Variants in RGS18 observed in about 807,000 individuals in gnomAD.
The protein encoded by RGS18 is regulator of G-protein signaling 18.
Under a neutral mutation model 27.6 loss-of-function variants are expected in RGS18, and 22 were observed. The observed-to-expected ratio is 0.80, with a 90% CI of 0.57 to 1.14. The LOEUF (loss-of-function observed/expected upper bound fraction) is 1.14, where lower values mean the gene tolerates loss of function less well. RGS18 is among the 50% of genes most tolerant of loss of function. The probability of loss-of-function intolerance (pLI) is 0.00; values close to 1 mark genes in which losing one functional copy is unlikely to be tolerated. For synonymous variants in RGS18, 89 were observed against 84.6 expected, an observed-to-expected ratio of 1.05 and a Z score of -0.29; for missense variants, 299 against 269.6, an observed-to-expected ratio of 1.11 and a Z score of -0.76.
chr1:192,177,594 G>A (rs978662134), intron 3 of RGS18, among the ~76,000 whole-genome samples: 17 of 151,862 alleles, frequency 1.1e-4, no homozygotes, highest in Middle Eastern at 3.4e-3. Context: ...ACCCGGCACA[G>A]TAGAAGGCCA....
At position 192,158,578 on chromosome 1, in the gene RGS18, T is replaced by C; in HGVS notation, c.-60T>C. ...TACTATGTATATGTATGGAATAGTA[T>C]TAATAAATGAACTAGGGAAGGATGT... On this transcript the variant is annotated 5_prime_UTR_variant, in exon 1 of 5. Transcript: ENST00000367460. 2.1e-6 allele frequency: 3 copies of C among 1,402,130 alleles called. No homozygotes were observed. The highest frequency in any genetic ancestry group is 2.9e-6 in the Non-Finnish European group (3 of 1,046,284). 86.9% of individuals were successfully genotyped at this position (1,402,130 alleles called of 1,614,324 possible). A position where few individuals can be genotyped will look rare whatever the true frequency, so the allele number is the denominator to read the frequency against.
At chr1:192,177,002 T>C (rs1043705402) in intron 3 of RGS18, among the ~76,000 whole-genome samples, 1 of 151,694 alleles carries the variant, frequency 6.6e-6, no homozygotes, top group Non-Finnish European at 1.5e-5. Context: ...AAGGCTCACA[T>C]TGGCAAAACT....
At chr1:192,177,044 A>G (rs1031021863) in intron 3 of RGS18, among the ~76,000 whole-genome samples, 2 of 151,764 alleles carry the variant, frequency 1.3e-5, no homozygotes, top group Admixed American at 1.3e-4. Context: ...AATAATACAG[A>G]TTCAGAAATA....
intron 3 of RGS18, among the ~76,000 whole-genome samples, chr1:192,179,533 GA>G (rs1235516431): frequency 1.0e-4 from 15 of 148,628 alleles, no homozygotes; most frequent in Admixed American, 4.0e-4. Flanking sequence ...TGTAATAACT[GA>G]AAAAAAAAGA....
At chr1:192,169,098 A>G (rs973950337) in intron 3 of RGS18, 4 of 152,192 alleles carry the variant, frequency 2.6e-5, no homozygotes, top group African/African-American at 9.6e-5. Flanking sequence ...ATAGGTTAAA[A>G]AGTTATTTTA....
intron 3 of RGS18, among the ~76,000 whole-genome samples, chr1:192,177,806 T>C (rs569376529): frequency 1.3e-5 from 2 of 151,890 alleles, no homozygotes; most frequent in East Asian, 3.9e-4. Context: ...CGAATGGAAC[T>C]ATACGTGTTT....
chr1:192,174,454 TAA>T (rs1348883274), intron 3 of RGS18, among the ~76,000 whole-genome samples: 1 of 151,852 alleles, frequency 6.6e-6, no homozygotes, highest in East Asian at 1.9e-4. Flanking sequence ...TAATGATGTT[TAA>T]GTTTTATATA....
intron 3 of RGS18, 189 bp downstream of exon 3, chr1:192,160,628 T>C: frequency 2.0e-6 from 1 of 509,086 alleles, no homozygotes; most frequent in South Asian, 3.3e-5. Context: ...AAAGTTCTCA[T>C]TTTGTTTAGA....
chr1:192,162,282 T>TTTTTGGTTTGTTTGTTG (rs1161649346), intron 3 of RGS18, among the ~76,000 whole-genome samples: 1 of 152,174 alleles, frequency 6.6e-6, no homozygotes, highest in Non-Finnish European at 1.5e-5. Context: ...CTTTTTTGTT[T>TTTTTGGTTTGTTTGTTG]TTTTGGTTTG....
At chr1:192,161,700 A>G (rs1470918129) in intron 3 of RGS18, among the ~76,000 whole-genome samples, 1 of 151,244 alleles carries the variant, frequency 6.6e-6, no homozygotes, top group African/African-American at 2.4e-5. Context: ...TACTCTAACT[A>G]CTCCTTGTAG....
chr1:192,183,580 A>C (rs1332815215), intron 4 of RGS18, among the ~76,000 whole-genome samples: 1 of 151,600 alleles, frequency 6.6e-6, no homozygotes, highest in Non-Finnish European at 1.5e-5. Flanking sequence ...AAACAGATGA[A>C]ATGCTAGTCA....
intron 3 of RGS18, among the ~76,000 whole-genome samples, chr1:192,170,515 G>C (rs1312674614): frequency 6.6e-6 from 1 of 152,012 alleles, no homozygotes; most frequent in East Asian, 1.9e-4. Flanking sequence ...GATGAGCCAT[G>C]AGCTAAATAA....
At chr1:192,184,250 T>C (rs1571396119) in intron 4 of RGS18, 47 bp from the exon 5 acceptor site, 1 of 1,548,178 alleles carries the variant, frequency 6.5e-7, no homozygotes, top group Non-Finnish European at 8.8e-7. Flanking sequence ...CAAAGTTGTT[T>C]ATATAAGCAT....
chr1:192,179,957 T>C (rs1656423096), intron 3 of RGS18, among the ~76,000 whole-genome samples: 1 of 151,784 alleles, frequency 6.6e-6, no homozygotes, highest in Admixed American at 6.6e-5. Context: ...GAAAACTGGA[T>C]AAAGAGTACA....
At chr1:192,183,578 G>A (rs1245818711) in intron 4 of RGS18, among the ~76,000 whole-genome samples, 2 of 151,482 alleles carry the variant, frequency 1.3e-5, no homozygotes, top group Non-Finnish European at 3.0e-5. Context: ...AGAAACAGAT[G>A]AAATGCTAGT....
At chr1:192,159,939 TAA>T (rs572604793) in intron 2 of RGS18, among the ~76,000 whole-genome samples, 3 of 150,336 alleles carry the variant, frequency 2.0e-5, no homozygotes, top group African/African-American at 7.3e-5. Context: ...TGTATCCGTT[TAA>T]AAAAAAAATT....
rs1656532542 is a variant in RGS18 at position 192,185,450 on chromosome 1, G to C, written c.*896G>C. On this transcript the variant is annotated 3_prime_UTR_variant, in exon 5 of 5. Coordinates refer to ENST00000367460, the MANE Select transcript of RGS18 (RefSeq NM_130782.3). Reference sequence around the variant, plus strand: ...TAGAATTGGGGTAGAAATCAGAAATGAGATGAGGGGAAGAAGCAAGGAGTC... The same window carrying C: ...TAGAATTGGGGTAGAAATCAGAAATCAGATGAGGGGAAGAAGCAAGGAGTC... 1 of 151,594 alleles carries C rather than the reference G, an allele frequency of 6.6e-6. No individual in the cohort carries two copies. Among genetic ancestry groups the C allele is most frequent in the Non-Finnish European group, 1.5e-5 (1 of 67,716 alleles). 9.4% of individuals were successfully genotyped at this position (151,594 alleles called of 1,614,324 possible).
chr1:192,159,501 G>T (rs534678324), intron 2 of RGS18, among the ~76,000 whole-genome samples, 180 bp downstream of exon 2: 2 of 152,038 alleles, frequency 1.3e-5, no homozygotes, highest in Non-Finnish European at 2.9e-5. Context: ...GAATTAAATC[G>T]CTTGAATTGA....
chr1:192,164,144 T>C lies in RGS18; in HGVS notation c.283+3705T>C, dbSNP rs540446371. 2.6e-5 allele frequency among the ~76,000 whole-genome samples: 4 copies of C among 152,204 alleles called. No individual in the cohort carries two copies. The East Asian group carries it at 7.7e-4, about 29-fold the overall frequency. On this transcript the variant is annotated intron_variant, in intron 3 of 4. Transcript: ENST00000367460. ...AATATTAGAACCATCATAAACTGAT[T>C]ATTAGCAGTTTTAGGAATGAAACCA... is the stretch of plus-strand genomic sequence containing the variant.
Sources: gnomAD v4.1 joint callset for allele counts (sites outside exome capture counted in the v4.1 genomes callset) on GRCh38, gnomAD v4.1.1 for gene constraint, MANE v1.5 for transcripts, NCBI Gene and HGNC (gene_info 2026-07-23, HGNC 2026-07-21) for gene names.